DSCAML1: variants seen among roughly 807,000 people sequenced by gnomAD.
DSCAML1 encodes the protein cell adhesion molecule DSCAML1.
In DSCAML1, 38 loss-of-function variants were observed where a neutral mutation model predicts 200.5. The observed-to-expected ratio is 0.19, with a 90% CI of 0.15 to 0.25. The LOEUF (loss-of-function observed/expected upper bound fraction) is 0.25, where lower values mean the gene tolerates loss of function less well. Among genes scored for constraint, DSCAML1 ranks in the 10% least tolerant of loss-of-function variants. DSCAML1 has a pLI of 1.00. For missense variants in DSCAML1, 2,223 were observed against 2,858.8 expected, an observed-to-expected ratio of 0.78 and a Z score of 5.07; for synonymous variants, 1,215 against 1,165.0, an observed-to-expected ratio of 1.04 and a Z score of -0.87.
intron 4 of DSCAML1, among the ~76,000 whole-genome samples, chr11:117,528,353 C>T (rs960652402): frequency 1.3e-5 from 2 of 152,172 alleles, no homozygotes; most frequent in African/African-American, 4.8e-5. Context: ...GAGGCTCAGG[C>T]GTGAAATTAA....
chr11:117,653,202 G>C (rs530263232), intron 3 of DSCAML1, among the ~76,000 whole-genome samples: 1 of 152,276 alleles, frequency 6.6e-6, no homozygotes, highest in Admixed American at 6.5e-5. Flanking sequence ...GTGTGTGTAG[G>C]GGAAATGGCC....
intron 3 of DSCAML1, among the ~76,000 whole-genome samples, chr11:117,679,903 A>G (rs190763562): frequency 2.0e-5 from 3 of 151,774 alleles, no homozygotes; most frequent in African/African-American, 2.4e-5. Context: ...CCTCCTCTCC[A>G]TGACACAGAT....
chr11:117,660,827 G>A (rs1001234121), intron 3 of DSCAML1, among the ~76,000 whole-genome samples: 3 of 152,172 alleles, frequency 2.0e-5, no homozygotes, highest in Non-Finnish European at 2.9e-5. Flanking sequence ...GGCACAGAGT[G>A]AGCTGCATCT....
At chr11:117,615,728 C>T (rs1010012106) in intron 3 of DSCAML1, among the ~76,000 whole-genome samples, 2 of 152,028 alleles carry the variant, frequency 1.3e-5, no homozygotes, top group African/African-American at 4.8e-5. Context: ...AAAAAATCAC[C>T]CTTACCCTGG....
At chr11:117,662,404 T>G (rs75596109) in intron 3 of DSCAML1, among the ~76,000 whole-genome samples, 1 of 152,202 alleles carries the variant, frequency 6.6e-6, no homozygotes, top group African/African-American at 2.4e-5. Flanking sequence ...GGGAGCACAA[T>G]TGGCCCAAAT....
At chr11:117,686,604 A>G (rs549421251) in intron 3 of DSCAML1, among the ~76,000 whole-genome samples, 5 of 152,308 alleles carry the variant, frequency 3.3e-5, no homozygotes, top group African/African-American at 1.2e-4. Context: ...CTTGTGGCCA[A>G]TTTGGTCATA....
intron 3 of DSCAML1, among the ~76,000 whole-genome samples, chr11:117,566,357 T>TCTC (rs1555185534): frequency 9.8e-4 from 43 of 43,900 alleles, no homozygotes; most frequent in Admixed American, 7.0e-4. Flanking sequence ...TCTCTCTCTC[T>TCTC]TTTTTTTTTT....
chr11:117,635,941 C>T (rs992386214), intron 3 of DSCAML1, among the ~76,000 whole-genome samples: 4 of 152,170 alleles, frequency 2.6e-5, no homozygotes, highest in African/African-American at 9.7e-5. Flanking sequence ...GTCCCATTCC[C>T]ACACCCCTCA....
rs183230750 is a variant in DSCAML1, at chr11:117,713,444, C to T, written c.511+63347G>A. On this transcript the variant is annotated intron_variant, in intron 3 of 32. Transcript: ENST00000651296. ...AATGCCCTCTTGATAGCTTCCCATC[C>T]CATCCCTAATCAGTCACCATGGAAC... Among the ~76,000 whole-genome samples, 429 of 152,160 alleles carry T rather than the reference C, an allele frequency of 2.8e-3. 3 individuals carry two copies. The highest frequency in any genetic ancestry group is 8.9e-3 in the African/African-American group (371 of 41,514).
At chr11:117,442,415 ATG>A (rs1233528745) in intron 21 of DSCAML1, among the ~76,000 whole-genome samples, 1 of 151,594 alleles carries the variant, frequency 6.6e-6, no homozygotes, top group Admixed American at 6.6e-5. Flanking sequence ...TAGTATGTGT[ATG>A]TGCGTAAATG....
intron 3 of DSCAML1, among the ~76,000 whole-genome samples, chr11:117,575,033 A>T (rs963191347): frequency 6.6e-6 from 1 of 152,136 alleles, no homozygotes; most frequent in Non-Finnish European, 1.5e-5. Context: ...TCTACTAAAG[A>T]TACAAAAATT....
chr11:117,497,812 G>A (rs1052907156), intron 11 of DSCAML1, among the ~76,000 whole-genome samples: 13 of 152,368 alleles, frequency 8.5e-5, no homozygotes, highest in African/African-American at 2.9e-4. Flanking sequence ...TCCCACAGCT[G>A]TGGCAGGGCC....
chr11:117,527,191 A>G (rs1401669667), intron 4 of DSCAML1, among the ~76,000 whole-genome samples: 1 of 152,194 alleles, frequency 6.6e-6, no homozygotes, highest in Non-Finnish European at 1.5e-5. Context: ...ATACTAATAC[A>G]AGCTTTAAAA....
chr11:117,546,325 T>G (rs1206972612), intron 3 of DSCAML1, among the ~76,000 whole-genome samples: 1 of 152,210 alleles, frequency 6.6e-6, no homozygotes, highest in Non-Finnish European at 1.5e-5. Context: ...CCACTGAATC[T>G]CTCTGAACCT....
At chr11:117,752,581 T>C (rs2054621977) in intron 3 of DSCAML1, among the ~76,000 whole-genome samples, 1 of 152,158 alleles carries the variant, frequency 6.6e-6, no homozygotes. Flanking sequence ...AGCCCGAGAA[T>C]GTCTTCTTTG....
At chr11:117,696,233 G>A (rs999104506) in intron 3 of DSCAML1, among the ~76,000 whole-genome samples, 5 of 152,186 alleles carry the variant, frequency 3.3e-5, no homozygotes, top group African/African-American at 7.2e-5. Flanking sequence ...AGGCTACTTC[G>A]GAGAGACAGA....
At chr11:117,805,712 G>A (rs1047785303) in intron 1 of DSCAML1, among the ~76,000 whole-genome samples, 2 of 152,118 alleles carry the variant, frequency 1.3e-5, no homozygotes, top group Admixed American at 1.3e-4. Flanking sequence ...CATTTTGTTG[G>A]TTTACTCATT....
intron 8 of DSCAML1, among the ~76,000 whole-genome samples, chr11:117,513,439 G>C (rs1028614621): frequency 2.0e-5 from 3 of 152,102 alleles, no homozygotes; most frequent in African/African-American, 7.2e-5. Context: ...TCTCAAAGTA[G>C]ACTTTGACAG....
chr11:117,810,128 T>G (rs757293578), intron 1 of DSCAML1, among the ~76,000 whole-genome samples: 11 of 152,106 alleles, frequency 7.2e-5, no homozygotes, highest in Non-Finnish European at 1.5e-4. Context: ...CATTTCAATC[T>G]TGGCGCCACA....
Sources: gnomAD v4.1 joint callset for allele counts (sites outside exome capture counted in the v4.1 genomes callset) on GRCh38, gnomAD v4.1.1 for gene constraint, MANE v1.5 for transcripts, NCBI Gene and HGNC (gene_info 2026-07-23, HGNC 2026-07-21) for gene names.